Variants in SEMA5A observed in about 807,000 individuals in gnomAD.
The protein encoded by SEMA5A is semaphorin-5A.
A neutral mutation model predicts 135.5 loss-of-function variants in SEMA5A; 55 were observed. The observed-to-expected ratio is 0.41, with a 90% CI of 0.33 to 0.51. The LOEUF (loss-of-function observed/expected upper bound fraction) is 0.51. Among genes scored for constraint, SEMA5A ranks in the 20% least tolerant of loss-of-function variants. The pLI is 0.37. For missense variants in SEMA5A, 1,290 were observed against 1,419.9 expected, an observed-to-expected ratio of 0.91 and a Z score of 1.47; for synonymous variants, 580 against 546.5, an observed-to-expected ratio of 1.06 and a Z score of -0.85.
intron 1 of SEMA5A, among the ~76,000 whole-genome samples, chr5:9,524,110 G>A (rs117452603): frequency 3.2e-4 from 48 of 152,226 alleles, no homozygotes; most frequent in East Asian, 5.8e-4. Flanking sequence ...GAGTTCTCAC[G>A]AAATCTGGTT....
rs575393587 is a variant in SEMA5A, at chr5:9,162,918, T to G, written c.1274-8223A>C. 6.6e-5 allele frequency among the ~76,000 whole-genome samples: 10 copies of G among 152,282 alleles called. No individual in the cohort carries two copies. The South Asian group carries it at 1.0e-3, about 16-fold the overall frequency. On this transcript the variant is annotated intron_variant, in intron 11 of 22. Transcript: ENST00000382496. ...TTCATACGGATCAAGAGCTGGTTTC[T>G]GAATTTTTGAAGGTATTTTTGTTTC... is the stretch of plus-strand genomic sequence containing the variant.
At chr5:9,500,518 C>A (rs1351898222) in intron 1 of SEMA5A, among the ~76,000 whole-genome samples, 2 of 151,986 alleles carry the variant, frequency 1.3e-5, no homozygotes, top group African/African-American at 4.8e-5. Context: ...CTGATCCAGA[C>A]ATCATCCCAC....
At chr5:9,544,228 A>C (rs2126406187) in intron 1 of SEMA5A, among the ~76,000 whole-genome samples, 1 of 152,290 alleles carries the variant, frequency 6.6e-6, no homozygotes, top group African/African-American at 2.4e-5. Flanking sequence ...TTCAAAACAA[A>C]CCAGAACAAT....
intron 1 of SEMA5A, among the ~76,000 whole-genome samples, chr5:9,452,909 A>G (rs531974230): frequency 3.3e-5 from 5 of 152,188 alleles, no homozygotes; most frequent in Non-Finnish European, 5.9e-5. Context: ...TCCAGGAAGA[A>G]GGACTACTCT....
chr5:9,453,952 G>A (rs893255296), intron 1 of SEMA5A, among the ~76,000 whole-genome samples: 3 of 152,172 alleles, frequency 2.0e-5, no homozygotes, highest in Non-Finnish European at 4.4e-5. Flanking sequence ...TCCACAGAGG[G>A]AGATCCAATG....
chr5:9,393,048 C>T lies in SEMA5A; in HGVS notation c.-77-13025G>A, dbSNP rs537062454. On this transcript the variant is annotated intron_variant, in intron 2 of 22. Coordinates refer to ENST00000382496, the MANE Select transcript of SEMA5A (RefSeq NM_003966.3). ...ACATATGCGATGCTATAAAATCTCA[C>T]ATGCTGTGAACATACGGTATCTCAT... Among the ~76,000 whole-genome samples, 7 of 152,306 alleles carry T rather than the reference C, an allele frequency of 4.6e-5. 1 individual carries two copies. In the South Asian group the frequency reaches 1.5e-3, roughly 32 times the overall value.
rs1554028643 is a variant in SEMA5A, at chr5:9,384,655, G to GATAC, written c.-77-4633_-77-4632insGTAT. Among the ~76,000 whole-genome samples the GATAC allele has an allele frequency of 6.7e-4, 78 of 116,460 alleles. 5 individuals are homozygous for GATAC. The highest frequency in any genetic ancestry group is 9.8e-4 in the East Asian group (4 of 4,062). The allele number at this position is 116,460 out of a possible 152,430, so 76.4% of individuals were successfully genotyped here. ...AGATAGATAGATAGATAGATAGATA[G>GATAC]ATAGATATAGATAGATAGATATAGA... On this transcript the variant is annotated intron_variant, in intron 2 of 22. Coordinates refer to ENST00000382496, the MANE Select transcript of SEMA5A (RefSeq NM_003966.3).
rs1306692264 is a variant in SEMA5A at position 9,063,168 on chromosome 5, T to G, written c.2300-63A>C. 1.3e-5 allele frequency: 19 copies of G among 1,457,650 alleles called. No homozygotes were observed. In the African/African-American group the frequency reaches 2.5e-4, roughly 19 times the overall value. 90.3% of individuals were successfully genotyped at this position (1,457,650 alleles called of 1,614,324 possible). On this transcript the variant is annotated intron_variant, in intron 17 of 22. Coordinates refer to ENST00000382496, the MANE Select transcript of SEMA5A (RefSeq NM_003966.3). ...GTTTCAGAGGAACTACAGTCCATGC[T>G]GACTTTCATTCTGTATCTGCTGTCT...
chr5:9,200,025 A>G (rs1806112), intron 9 of SEMA5A, among the ~76,000 whole-genome samples: 12,691 of 152,290 alleles, frequency 0.083, 556 homozygotes, highest in East Asian at 0.17. Context: ...TTTCTGATTC[A>G]TAAGACCTCT....
chr5:9,051,865 G>C lies in SEMA5A; in HGVS notation c.2845+8C>G, dbSNP rs140105544. 1,422 of 1,614,046 alleles carry C rather than the reference G, an allele frequency of 8.8e-4. 17 individuals carry two copies. In the African/African-American group the frequency reaches 0.018, roughly 20 times the overall value. ...TTTATTCTTACTGATAAATACCTCT[G>C]CTCTTACCTGGGATGAAATTAGAGT... On this transcript the variant is annotated splice_region_variant and intron_variant, in intron 20 of 22. Transcript: ENST00000382496.
chr5:9,197,744 G>A (rs146038623), intron 9 of SEMA5A, among the ~76,000 whole-genome samples: 4 of 128,562 alleles, frequency 3.1e-5, no homozygotes, highest in African/African-American at 9.0e-5. Context: ...GTGTGTGTGT[G>A]TGTGTGTGTG....
chr5:9,149,811 T>C (rs1742535360), intron 12 of SEMA5A, among the ~76,000 whole-genome samples: 2 of 152,160 alleles, frequency 1.3e-5, no homozygotes, highest in South Asian at 4.1e-4. Context: ...CTAGACAAGA[T>C]TATTAGAGCA....
intron 8 of SEMA5A, among the ~76,000 whole-genome samples, chr5:9,217,064 C>T (rs778761654): frequency 1.3e-5 from 2 of 152,098 alleles, no homozygotes; most frequent in Non-Finnish European, 2.9e-5. Flanking sequence ...TGTGTGGTTG[C>T]TTTATGGTGA....
chr5:9,154,903 A>G (rs1164633490), intron 11 of SEMA5A, among the ~76,000 whole-genome samples: 4 of 152,160 alleles, frequency 2.6e-5, no homozygotes, highest in Admixed American at 2.6e-4. Flanking sequence ...AGTATCTTTT[A>G]AAATGATGCT....
Position 9,054,075 on chromosome 5 carries a change from G to A in SEMA5A, c.2689+12C>T, listed in dbSNP as rs1283392778. 1.3e-6 allele frequency: 2 copies of A among 1,598,266 alleles called. No homozygotes were observed. The highest frequency in any genetic ancestry group is 1.8e-5 in the Admixed American group (1 of 57,088). On this transcript the variant is annotated intron_variant, in intron 19 of 22. Transcript: ENST00000382496. ...TGTCTGAAAGCTGTGCAGTAGGTGA[G>A]GTGCCGCTTACCTGGGCAGGGCTGC...
In SEMA5A at chr5:9,136,618, G is replaced by T; in HGVS notation, c.1485C>A (p.Thr495=). The change falls in exon 13 of 23, where the codon ACC becomes ACA. Residue 495 remains threonine, a synonymous_variant. Coordinates refer to ENST00000382496, the MANE Select transcript of SEMA5A (RefSeq NM_003966.3). The part of the protein sequence containing the change: ...KRCQFYRTRS[T]CIGAQDPYCG... ...AGTAAGGGTCCTGGGCCCCAATGCA[G>T]GTGCTGGAAACACACACCAAATGGT... is the stretch of plus-strand genomic sequence containing the variant. 6.2e-7 allele frequency: 1 copy of T among 1,613,534 alleles called. No homozygotes were observed.
intron 5 of SEMA5A, among the ~76,000 whole-genome samples, chr5:9,291,653 T>G (rs566348121): frequency 6.6e-6 from 1 of 151,566 alleles, no homozygotes; most frequent in East Asian, 2.0e-4. Flanking sequence ...CAAGGAGCAA[T>G]GGCATGCAGT....
intron 2 of SEMA5A, among the ~76,000 whole-genome samples, chr5:9,397,084 A>G (rs1044473167): frequency 6.6e-6 from 1 of 152,156 alleles, no homozygotes; most frequent in Non-Finnish European, 1.5e-5. Context: ...AAGACAAAAT[A>G]AAATCAGGAA....
intron 5 of SEMA5A, among the ~76,000 whole-genome samples, chr5:9,252,223 A>G (rs1465068083): frequency 6.6e-6 from 1 of 152,172 alleles, no homozygotes; most frequent in Non-Finnish European, 1.5e-5. Context: ...GAGAGAGAAC[A>G]CTACTCCACA....
Sources: gnomAD v4.1 joint callset for allele counts (sites outside exome capture counted in the v4.1 genomes callset) on GRCh38, gnomAD v4.1.1 for gene constraint, MANE v1.5 for transcripts, NCBI Gene and HGNC (gene_info 2026-07-23, HGNC 2026-07-21) for gene names.